The following LAYN variants were observed in gnomAD, a reference collection of about 807,000 sequenced individuals.
LAYN encodes the protein layilin.
A neutral mutation model predicts 43.6 loss-of-function variants in LAYN; 38 were observed. The observed-to-expected ratio is 0.87, with a 90% confidence interval of 0.67 to 1.14. The LOEUF (loss-of-function observed/expected upper bound fraction) is 1.14, where lower values mean the gene tolerates loss of function less well. Ranked by LOEUF, LAYN falls within the 50% of genes most tolerant of loss-of-function variation. The pLI, the probability that LAYN is intolerant of heterozygous loss-of-function variation, is 0.00. For synonymous variants in LAYN, 168 were observed against 172.9 expected, an observed-to-expected ratio of 0.97 and a Z score of 0.22; for missense variants, 479 against 463.8, an observed-to-expected ratio of 1.03 and a Z score of -0.30.
At chr11:111,540,980 C>A in intron 1 of LAYN, 52 bp downstream of exon 1, 1 of 1,483,574 alleles carries the variant, frequency 6.7e-7, no homozygotes, top group Non-Finnish European at 9.0e-7. Context: ...CTCACTGCAC[C>A]CCAGCTGCTG....
intron 1 of LAYN, 136 bp downstream of exon 1, chr11:111,541,064 G>C: frequency 1.3e-6 from 1 of 793,822 alleles, no homozygotes; most frequent in Non-Finnish European, 2.0e-6. Context: ...GCAGCCCTTC[G>C]GAGTCTCTTG....
At chr11:111,557,486 A>C (rs1867867034) in intron 5 of LAYN, 55 bp from the exon 6 acceptor site, 1 of 1,423,914 alleles carries the variant, frequency 7.0e-7, no homozygotes, top group Admixed American at 1.7e-5. Context: ...TTTGAAGCAC[A>C]GAAAAACAAA....
At position 111,540,739 on chromosome 11, in the gene LAYN, T is replaced by C; in HGVS notation, c.-105T>C. 8.6e-7 allele frequency: 1 copy of C among 1,169,072 alleles called. No individual in the cohort carries two copies. The highest frequency in any genetic ancestry group is 3.0e-5 in the East Asian group (1 of 32,954). The allele number at this position is 1,169,072 out of a possible 1,614,324, so 72.4% of individuals were successfully genotyped here. The stretch of plus-strand genomic sequence containing the variant: ...CCTCCCGTGCGGTCCGTCGGTGGCC[T>C]AGAGATGCTGCTGCCGCGGTTGCAG... On this transcript the variant is annotated 5_prime_UTR_variant, in exon 1 of 7. Coordinates refer to ENST00000375614, the MANE Select transcript of LAYN (RefSeq NM_178834.5).
intron 1 of LAYN, among the ~76,000 whole-genome samples, chr11:111,542,681 G>C (rs375428395): frequency 2.6e-5 from 4 of 152,188 alleles, no homozygotes; most frequent in African/African-American, 9.6e-5. Context: ...GCAGCAGTTC[G>C]CACCCACAGC....
intron 2 of LAYN, among the ~76,000 whole-genome samples, chr11:111,548,138 C>T (rs1867678851): frequency 6.6e-6 from 1 of 152,192 alleles, no homozygotes; most frequent in African/African-American, 2.4e-5. Context: ...GCTTTGATGA[C>T]ACTTTAAGTC....
rs750108785 is a variant in LAYN at position 111,560,137 on chromosome 11, C to T, written c.804C>T (p.Thr268=). 1.9e-6 allele frequency: 3 copies of T among 1,613,788 alleles called. No individual in the cohort carries two copies. Among genetic ancestry groups the T allele is most frequent in the Non-Finnish European group, 2.5e-6 (3 of 1,179,800 alleles). The part of the protein sequence containing the change: ...QPDPSTKKQH[T]IWPSPHQGNS... ...ACCCTAGCACAAAGAAGCAACACAC[C>T]ATCTGGCCCTCTCCTCACCAGGGAA... Residue 268 remains threonine, a synonymous_variant, in exon 7 of 7, where the codon ACC becomes ACT. Transcript: ENST00000375614.
intron 3 of LAYN, among the ~76,000 whole-genome samples, chr11:111,550,707 G>A (rs577337161): frequency 6.6e-6 from 1 of 152,232 alleles, no homozygotes; most frequent in African/African-American, 2.4e-5. Context: ...TGTCTCAGGC[G>A]GGGAGATTGC....
chr11:111,560,087 C>T lies in LAYN; in HGVS notation c.762-8C>T. The T allele has an allele frequency of 6.3e-7, 1 of 1,592,910 alleles. No individual in the cohort carries two copies. Among genetic ancestry groups the T allele is most frequent in the Non-Finnish European group, 8.5e-7 (1 of 1,169,760 alleles). ...AAAACACTCAGCCCTGGTTTTCTTT[C>T]TTCCTAGAAAACGGGAGCAGCCAGA... On this transcript the variant is annotated splice_polypyrimidine_tract_variant and splice_region_variant and intron_variant, in intron 6 of 6. Transcript: ENST00000375614.
chr11:111,550,832 T>C (rs1431172367), intron 3 of LAYN, among the ~76,000 whole-genome samples: 2 of 152,234 alleles, frequency 1.3e-5, no homozygotes. Flanking sequence ...AATAGCTCCA[T>C]GGTTTAAATT....
chr11:111,560,150 C>G lies in LAYN; in HGVS notation c.817C>G (p.Pro273Ala). ...GAAGCAACACACCATCTGGCCCTCT[C>G]CTCACCAGGGAAACAGCCCGGACCT... Reference protein sequence around the residue: ...TKKQHTIWPSPHQGNSPDLEV... With the variant: ...TKKQHTIWPSAHQGNSPDLEV... Residue 273 changes from proline (P) to alanine (A), a missense_variant, in exon 7 of 7, where the codon CCT becomes GCT. By Grantham distance (27) the Pro-to-Ala change is conservative. Coordinates refer to ENST00000375614, the MANE Select transcript of LAYN (RefSeq NM_178834.5). The G allele has an allele frequency of 6.2e-7, 1 of 1,614,208 alleles. No individual in the cohort carries two copies. Among genetic ancestry groups the G allele is most frequent in the Non-Finnish European group, 8.5e-7 (1 of 1,180,038 alleles).
chr11:111,550,396 C>T (rs1867723009), intron 3 of LAYN, among the ~76,000 whole-genome samples: 1 of 152,172 alleles, frequency 6.6e-6, no homozygotes, highest in African/African-American at 2.4e-5. Context: ...CTTGGGTTTC[C>T]CAGACTTCTC....
At chr11:111,541,557 T>A (rs1867539384) in intron 1 of LAYN, 1 of 1,536,294 alleles carries the variant, frequency 6.5e-7, no homozygotes, top group Non-Finnish European at 8.7e-7. Flanking sequence ...GTTGTGTCAC[T>A]GCAGCCTCGG....
At chr11:111,549,830 T>C in intron 3 of LAYN, 55 bp downstream of exon 3, 2 of 1,544,732 alleles carry the variant, frequency 1.3e-6, no homozygotes, top group African/African-American at 1.4e-5. Context: ...TCTCATTTCA[T>C]GAGCTGCTGC....
chr11:111,549,071 C>G (rs771258576), intron 2 of LAYN, among the ~76,000 whole-genome samples: 1 of 152,176 alleles, frequency 6.6e-6, no homozygotes, highest in Non-Finnish European at 1.5e-5. Flanking sequence ...ACCAAATGGT[C>G]CTCCTGCTTT....
At chr11:111,540,464 C>T (rs1867507715), upstream of LAYN, 1 of 303,018 alleles carries the variant, frequency 3.3e-6, no homozygotes, top group East Asian at 9.0e-5. Flanking sequence ...TATCAGATTG[C>T]CTAGGGGCCC....
At chr11:111,551,297 CCT>C in intron 3 of LAYN, 1 of 456,074 alleles carries the variant, frequency 2.2e-6, no homozygotes, top group Non-Finnish European at 4.4e-6. Flanking sequence ...TTCCTTCTAT[CCT>C]CTGACCTTCT....
chr11:111,546,548 A>G (rs954288802), intron 2 of LAYN, among the ~76,000 whole-genome samples: 40 of 152,230 alleles, frequency 2.6e-4, no homozygotes, highest in Admixed American at 6.5e-5. Flanking sequence ...GGCTGCCTGT[A>G]TCAGCTAGTC....
chr11:111,544,246 T>G, intron 2 of LAYN, 26 bp downstream of exon 2: 3 of 1,587,606 alleles, frequency 1.9e-6, no homozygotes, highest in Non-Finnish European at 2.6e-6. Context: ...CCACAGCTGC[T>G]GACTCACTTG....
chr11:111,553,909 G>A (rs1342970269), intron 3 of LAYN, among the ~76,000 whole-genome samples: 1 of 152,074 alleles, frequency 6.6e-6, no homozygotes, highest in Non-Finnish European at 1.5e-5. Context: ...GAGACTCATT[G>A]CCAATACAAC....
Sources: allele counts gnomAD v4.1 joint callset (sites outside exome capture counted in the v4.1 genomes callset), GRCh38; gene constraint gnomAD v4.1.1; transcripts MANE v1.5; gene names NCBI Gene and HGNC (gene_info 2026-07-23, HGNC 2026-07-21).